Variants in CPXM2 observed in about 807,000 individuals in gnomAD.
CPXM2 encodes carboxypeptidase X, M14 family member 2.
In CPXM2, 66 loss-of-function variants were observed where a neutral mutation model predicts 86.1. That is an observed-to-expected ratio of 0.77 (90% confidence interval 0.63 to 0.94). The LOEUF (loss-of-function observed/expected upper bound fraction) is 0.94. CPXM2 is among the 40% of genes least tolerant of loss of function. CPXM2 has a pLI of 0.00. For synonymous variants in CPXM2, 388 were observed against 400.2 expected (o/e 0.97, Z 0.36); for missense variants, 948 against 1,026.3 (o/e 0.92, Z 1.04).
chr10:123,927,336 A>G (rs1481968212), intron 2 of CPXM2, among the ~76,000 whole-genome samples: 1 of 152,238 alleles, frequency 6.6e-6, no homozygotes, highest in African/African-American at 2.4e-5. Context: ...AGTGGGCATG[A>G]TAATAGTACC....
intron 10 of CPXM2, among the ~76,000 whole-genome samples, chr10:123,764,334 C>G (rs902971820): frequency 2.0e-5 from 3 of 152,132 alleles, no homozygotes; most frequent in Non-Finnish European, 4.4e-5. Flanking sequence ...GCCTCCCTTA[C>G]ACTAAAAGCT....
rs188497729 is a variant in CPXM2 at position 123,926,433 on chromosome 10, C to T, written n.174+13044G>A. ...GTTTATTGGAATCATCTGTGTGTCT[C>T]TCTCCCTTGAACTGAACTCGCCTGA... is the stretch of plus-strand genomic sequence containing the variant. On this transcript the variant is annotated intron_variant and non_coding_transcript_variant, in intron 2 of 19. Coordinates refer to the CPXM2 transcript ENST00000368854. Among the ~76,000 whole-genome samples the T allele has an allele frequency of 1.9e-3, 287 of 152,336 alleles. 1 individual carries two copies. Among genetic ancestry groups the T allele is most frequent in the Non-Finnish European group, 2.8e-3 (191 of 68,032 alleles).
chr10:123,938,771 G>C (rs934881295), intron 2 of CPXM2, among the ~76,000 whole-genome samples: 1 of 152,234 alleles, frequency 6.6e-6, no homozygotes, highest in African/African-American at 2.4e-5. Flanking sequence ...TGAGCCAGTA[G>C]AAAGAGAGAG....
upstream of CPXM2, among the ~76,000 whole-genome samples, chr10:123,941,691 C>A (rs1480589931): frequency 6.6e-6 from 1 of 152,228 alleles, no homozygotes; most frequent in Non-Finnish European, 1.5e-5. Flanking sequence ...ACCCTCCCAC[C>A]TGCAGCGGAC....
chr10:123,747,740 C>T (rs1288452976), intron 13 of CPXM2, among the ~76,000 whole-genome samples: 2 of 151,960 alleles, frequency 1.3e-5, no homozygotes, highest in Admixed American at 1.3e-4. Context: ...GTGGTGGGCA[C>T]GGTGGTTCAT....
chr10:123,752,379 T>C (rs963155694), intron 13 of CPXM2: 3 of 984,806 alleles, frequency 3.0e-6, no homozygotes, highest in Admixed American at 6.1e-5. Context: ...GAAAATATTA[T>C]TGAGCAAAGA....
Position 123,768,385 on chromosome 10 carries a change from A to C in CPXM2, c.1299+141T>G, listed in dbSNP as rs1846539981. Reference sequence around the variant, plus strand: ...GGAGACTCCGACTCAAAAAATAAATAAATAAATAAATAAATAAATAAATAA... The same window carrying C: ...GGAGACTCCGACTCAAAAAATAAATCAATAAATAAATAAATAAATAAATAA... On this transcript the variant is annotated intron_variant, in intron 9 of 13. Transcript: ENST00000241305. 2.5e-5 allele frequency: 3 copies of C among 120,514 alleles called. No homozygotes were observed. In the East Asian group the frequency reaches 1.2e-3, roughly 49 times the overall value. The allele number at this position is 120,514 out of a possible 1,614,324, so 7.5% of individuals were successfully genotyped here. A position where few individuals can be genotyped will look rare whatever the true frequency, so the allele number is the denominator to read the frequency against.
chr10:123,894,076 A>G (rs1489725752), upstream of CPXM2, among the ~76,000 whole-genome samples: 1 of 152,230 alleles, frequency 6.6e-6, no homozygotes, highest in Non-Finnish European at 1.5e-5. Flanking sequence ...CATTTTACAC[A>G]GGATCCTGAG....
intron 4 of CPXM2, among the ~76,000 whole-genome samples, chr10:123,829,234 G>A (rs1357734641): frequency 1.1e-4 from 17 of 152,188 alleles, no homozygotes; most frequent in Non-Finnish European, 2.1e-4. Flanking sequence ...ATGCTGGTGA[G>A]GATGCCCAGA....
chr10:123,854,785 C>T (rs558402265), intron 3 of CPXM2, among the ~76,000 whole-genome samples: 3 of 152,032 alleles, frequency 2.0e-5, no homozygotes, highest in African/African-American at 7.2e-5. Context: ...TGGATGTGCA[C>T]GTCTCCCAGC....
chr10:123,882,770 T>G (rs1044344916), intron 1 of CPXM2, among the ~76,000 whole-genome samples: 1 of 149,968 alleles, frequency 6.7e-6, no homozygotes, highest in African/African-American at 2.5e-5. Flanking sequence ...TCCAATGACA[T>G]GGCCTAGGCA....
intron 4 of CPXM2, among the ~76,000 whole-genome samples, chr10:123,803,818 C>T (rs1241612452): frequency 6.6e-6 from 1 of 151,976 alleles, no homozygotes; most frequent in Non-Finnish European, 1.5e-5. Context: ...CGTGCCACCA[C>T]GCCCAGCTAA....
At chr10:123,943,865 C>T (rs371613834), upstream of CPXM2, among the ~76,000 whole-genome samples, 20 of 152,254 alleles carry the variant, frequency 1.3e-4, no homozygotes, top group South Asian at 4.1e-4. Context: ...CCCTGCTGCC[C>T]CATGGAATAG....
intron 4 of CPXM2, among the ~76,000 whole-genome samples, chr10:123,808,014 A>C (rs1418930525): frequency 6.6e-6 from 1 of 152,194 alleles, no homozygotes; most frequent in East Asian, 1.9e-4. Context: ...AGAGGCTTCT[A>C]TGGGCTGCAG....
At chr10:123,932,083 G>A (rs967677424) in intron 2 of CPXM2, among the ~76,000 whole-genome samples, 1 of 152,176 alleles carries the variant, frequency 6.6e-6, no homozygotes, top group African/African-American at 2.4e-5. Context: ...AGGTACAGGT[G>A]AAACTGTACA....
At chr10:123,835,188 A>G (rs1424550285) in intron 4 of CPXM2, among the ~76,000 whole-genome samples, 1 of 152,204 alleles carries the variant, frequency 6.6e-6, no homozygotes, top group Non-Finnish European at 1.5e-5. Context: ...CCTCCCCATG[A>G]AAAAACAGGC....
chr10:123,844,427 T>G (rs979754804), intron 3 of CPXM2, among the ~76,000 whole-genome samples: 4 of 152,204 alleles, frequency 2.6e-5, no homozygotes, highest in African/African-American at 9.6e-5. Context: ...TAAAGGAAAT[T>G]AAATTATATG....
chr10:123,869,930 T>G (rs2134210956), intron 2 of CPXM2, among the ~76,000 whole-genome samples: 1 of 152,244 alleles, frequency 6.6e-6, no homozygotes, highest in South Asian at 2.1e-4. Context: ...AAATAAGAAT[T>G]CTGAATCTAG....
At chr10:123,763,976 C>A (rs1846409743) in intron 10 of CPXM2, among the ~76,000 whole-genome samples, 1 of 152,172 alleles carries the variant, frequency 6.6e-6, no homozygotes, top group South Asian at 2.1e-4. Flanking sequence ...ATATTCCCTC[C>A]CACACTGGGG....
Sources: gnomAD v4.1 joint callset for allele counts (sites outside exome capture counted in the v4.1 genomes callset) on GRCh38, gnomAD v4.1.1 for gene constraint, MANE v1.5 for transcripts, NCBI Gene and HGNC (gene_info 2026-07-23, HGNC 2026-07-21) for gene names.